The following ARID5B variants were observed in gnomAD, a reference collection of about 807,000 sequenced individuals.
ARID5B encodes AT-rich interactive domain-containing protein 5B.
A neutral mutation model predicts 97.2 loss-of-function variants in ARID5B; 13 were observed. That is an observed-to-expected ratio of 0.13 (90% CI 0.09 to 0.21). The LOEUF (loss-of-function observed/expected upper bound fraction) is 0.21. Among genes scored for constraint, ARID5B ranks in the 10% least tolerant of loss-of-function variants. The probability of loss-of-function intolerance (pLI) is 1.00; values close to 1 mark genes in which losing one functional copy is unlikely to be tolerated. For missense variants in ARID5B, 1,210 were observed against 1,465.3 expected (o/e 0.83, Z 2.84); for synonymous variants, 556 against 570.3 (o/e 0.97, Z 0.36).
At chr10:61,936,846 CCA>C (rs1564606856) in intron 2 of ARID5B, among the ~76,000 whole-genome samples, 389 of 25,006 alleles carry the variant, frequency 0.016, no homozygotes, top group African/African-American at 0.042. Flanking sequence ...TTTTTCTTCC[CCA>C]AAAAAAAAAA....
At chr10:62,009,704 C>T (rs1385081302) in intron 4 of ARID5B, among the ~76,000 whole-genome samples, 1 of 152,202 alleles carries the variant, frequency 6.6e-6, no homozygotes, top group Non-Finnish European at 1.5e-5. Context: ...GAGAGGATAT[C>T]TGCCAAAGCT....
At chr10:61,973,455 A>G (rs1838658203) in intron 3 of ARID5B, among the ~76,000 whole-genome samples, 1 of 152,160 alleles carries the variant, frequency 6.6e-6, no homozygotes, top group African/African-American at 2.4e-5. Flanking sequence ...CATTCATTCC[A>G]CTATTTGTGG....
At chr10:61,968,961 A>G (rs1033966827) in intron 3 of ARID5B, among the ~76,000 whole-genome samples, 2 of 152,200 alleles carry the variant, frequency 1.3e-5, no homozygotes, top group Non-Finnish European at 2.9e-5. Flanking sequence ...TGCCCATAGA[A>G]TTGTTTATTT....
intron 4 of ARID5B, among the ~76,000 whole-genome samples, chr10:62,003,658 G>A (rs763151074): frequency 6.6e-6 from 1 of 152,124 alleles, no homozygotes; most frequent in African/African-American, 2.4e-5. Flanking sequence ...CAGTGACCAA[G>A]CCTGGCAAGA....
At chr10:61,976,502 G>T (rs866449908) in intron 3 of ARID5B, among the ~76,000 whole-genome samples, 11 of 152,138 alleles carry the variant, frequency 7.2e-5, no homozygotes, top group Non-Finnish European at 1.2e-4. Flanking sequence ...TTGGTGTTTG[G>T]ATAGTACCAA....
chr10:62,085,449 T>C (rs1840267777), intron 8 of ARID5B, among the ~76,000 whole-genome samples: 5 of 152,216 alleles, frequency 3.3e-5, no homozygotes, highest in Admixed American at 3.3e-4. Context: ...GATGCTTCCA[T>C]TGGTATCTTG....
rs780830671 is a variant in ARID5B, at chr10:62,092,344, A to T, written c.2881A>T (p.Thr961Ser). 6.2e-7 allele frequency: 1 copy of T among 1,614,008 alleles called. No individual in the cohort carries two copies. The part of the protein sequence containing the change: ...HPKACRVSPM[T>S]MSGPKKYPES... ...CAAAGCCTGTCGGGTATCACCCATG[A>T]CCATGTCAGGCCCTAAAAAATACCC... is the stretch of plus-strand genomic sequence containing the variant. Residue 961 changes from threonine (T) to serine (S), a missense_variant, in exon 10 of 10, where the codon ACC (threonine) becomes TCC (serine). Around this residue, in one of 8 missense-constraint regions of ARID5B, gnomAD observed 800 missense variants for 839.1 expected, o/e 0.95. Transcript: ENST00000279873.
intron 4 of ARID5B, among the ~76,000 whole-genome samples, chr10:62,037,952 G>T (rs1839586368): frequency 6.6e-6 from 1 of 152,142 alleles, no homozygotes; most frequent in African/African-American, 2.4e-5. Context: ...AAAATACAGA[G>T]CATTTCTGTA....
At chr10:62,016,937 C>T (rs192659089) in intron 4 of ARID5B, among the ~76,000 whole-genome samples, 55 of 152,218 alleles carry the variant, frequency 3.6e-4, no homozygotes, top group African/African-American at 1.3e-3. Flanking sequence ...GAATGGGAGG[C>T]TTCTCAGATG....
At chr10:62,070,432 T>C (rs1429539693) in intron 8 of ARID5B, among the ~76,000 whole-genome samples, 1 of 152,232 alleles carries the variant, frequency 6.6e-6, no homozygotes, top group East Asian at 1.9e-4. Context: ...ATTCACACCG[T>C]TAAAGACCAG....
At chr10:61,926,673 A>C (rs959519702) in intron 2 of ARID5B, among the ~76,000 whole-genome samples, 1 of 152,234 alleles carries the variant, frequency 6.6e-6, no homozygotes, top group South Asian at 2.1e-4. Flanking sequence ...CAGTGGCACG[A>C]TCTCAGCTCG....
chr10:61,911,076 A>G (rs1843795667), intron 2 of ARID5B, among the ~76,000 whole-genome samples: 1 of 151,972 alleles, frequency 6.6e-6, no homozygotes, highest in African/African-American at 2.4e-5. Flanking sequence ...CACCCCTTCC[A>G]CCCCATAGTT....
chr10:61,951,762 T>C (rs1194202322), intron 3 of ARID5B, among the ~76,000 whole-genome samples: 3 of 152,246 alleles, frequency 2.0e-5, no homozygotes, highest in African/African-American at 7.2e-5. Context: ...AATGCATGTA[T>C]CAGTGAGAAT....
chr10:61,954,281 TG>T (rs1409757403), intron 3 of ARID5B, among the ~76,000 whole-genome samples: 1 of 151,404 alleles, frequency 6.6e-6, no homozygotes. Context: ...CACTTGAACC[TG>T]GGGGGTGGGG....
intron 2 of ARID5B, among the ~76,000 whole-genome samples, chr10:61,918,405 A>G (rs1422422488): frequency 6.6e-6 from 1 of 152,164 alleles, no homozygotes; most frequent in Non-Finnish European, 1.5e-5. Context: ...GCACAAAACC[A>G]TGACCTGGCT....
chr10:61,989,643 A>G (rs1838895617), intron 3 of ARID5B, among the ~76,000 whole-genome samples: 1 of 152,222 alleles, frequency 6.6e-6, no homozygotes, highest in Admixed American at 6.5e-5. Flanking sequence ...ATTTTTATGC[A>G]TAGGTTTATG....
chr10:62,072,851 G>A (rs1057160802), intron 8 of ARID5B, among the ~76,000 whole-genome samples: 1 of 152,206 alleles, frequency 6.6e-6, no homozygotes, highest in African/African-American at 2.4e-5. Context: ...CGTTCTAGAT[G>A]TCTTCCTTTT....
At chr10:61,909,780 C>A (rs1843772276) in intron 2 of ARID5B, among the ~76,000 whole-genome samples, 1 of 152,206 alleles carries the variant, frequency 6.6e-6, no homozygotes, top group Non-Finnish European at 1.5e-5. Flanking sequence ...TCTCACACTT[C>A]TTCTTTCTCT....
chr10:62,073,298 C>T (rs1176575724), intron 8 of ARID5B, among the ~76,000 whole-genome samples: 1 of 152,166 alleles, frequency 6.6e-6, no homozygotes, highest in East Asian at 1.9e-4. Flanking sequence ...ATTTTTCATG[C>T]ACTGTGGTTC....
Sources: allele counts gnomAD v4.1 joint callset (sites outside exome capture counted in the v4.1 genomes callset), GRCh38; gene constraint gnomAD v4.1.1; regional missense constraint gnomAD v4.1.1; transcripts MANE v1.5; gene names NCBI Gene and HGNC (gene_info 2026-07-23, HGNC 2026-07-21).